CENPS: variants seen among roughly 807,000 people sequenced by gnomAD.
CENPS encodes centromere protein S, also known as FANCM associated histone fold protein 1.
In CENPS, 16 loss-of-function variants were observed where a neutral mutation model predicts 17.9. The ratio of observed to expected loss-of-function variants is 0.90; its 90% CI spans 0.61 to 1.36. The LOEUF (loss-of-function observed/expected upper bound fraction) is 1.36. Among genes scored for constraint, CENPS ranks in the 40% most tolerant of loss-of-function variants. CENPS has a pLI of 0.00. For missense variants in CENPS, 160 were observed against 158.6 expected (o/e 1.01, Z -0.05); for synonymous variants, 49 against 55.8 (o/e 0.88, Z 0.54).
intron 1 of CENPS, chr1:10,431,446 A>G: frequency 6.5e-7 from 1 of 1,531,870 alleles, no homozygotes; most frequent in East Asian, 2.4e-5. Context: ...ACCACTAGTT[A>G]GCATTTTGCT....
intron 1 of CENPS, chr1:10,431,487 C>A (rs553866004): frequency 2.8e-5 from 39 of 1,412,810 alleles, no homozygotes; most frequent in Non-Finnish European, 3.7e-5. Context: ...CTCCCAGCCC[C>A]GCGATTGGAG....
In CENPS at chr1:10,433,827, G is replaced by C; in HGVS notation, c.52-15G>C. The C allele has an allele frequency of 6.2e-7, 1 of 1,613,908 alleles. No individual in the cohort carries two copies. Among genetic ancestry groups the C allele is most frequent in the Non-Finnish European group, 8.5e-7 (1 of 1,179,916 alleles). ...TGCAGCCTTACCCGTGAAATATTTTGATGTTTTTCCCCAGAGGCTAAAGGC... is the reference window on the plus strand; with the variant it reads ...TGCAGCCTTACCCGTGAAATATTTTCATGTTTTTCCCCAGAGGCTAAAGGC... On this transcript the variant is annotated splice_polypyrimidine_tract_variant and intron_variant, in intron 1 of 4. Transcript: ENST00000309048.
At chr1:10,435,053 C>T (rs2847336) in intron 3 of CENPS, among the ~76,000 whole-genome samples, 18,389 of 152,060 alleles carry the variant, frequency 0.12, 1,395 homozygotes, top group African/African-American at 0.2. Flanking sequence ...TGGGGGTGGC[C>T]GCCCCTCTGC....
At chr1:10,431,236 A>AT (rs1162189561) in intron 1 of CENPS, 1 of 1,532,466 alleles carries the variant, frequency 6.5e-7, no homozygotes, top group Non-Finnish European at 8.7e-7. Context: ...AAGAGGCTTA[A>AT]AAGCAAGACC....
At chr1:10,436,472 C>T (rs1358023877) in intron 3 of CENPS, among the ~76,000 whole-genome samples, 8 of 149,910 alleles carry the variant, frequency 5.3e-5, no homozygotes, top group African/African-American at 1.5e-4. Context: ...GAGGCTGAGG[C>T]GGGTGGATCA....
Position 10,430,481 on chromosome 1 carries a change from CG to C in CENPS, c.-35del. On this transcript the variant is annotated 5_prime_UTR_variant, in exon 1 of 5. Transcript: ENST00000309048. ...CTGGCCGCGCACCACCGCCCCTTCT[CG>C]GCCCTCCTGCGTTTGCCCAGGGTCG... 4.6e-6 allele frequency: 7 copies of C among 1,532,800 alleles called. No homozygotes were observed. Among genetic ancestry groups the C allele is most frequent in the Non-Finnish European group, 6.1e-6 (7 of 1,140,464 alleles). 94.9% of individuals were successfully genotyped at this position (1,532,800 alleles called of 1,614,324 possible).
At chr1:10,435,050 G>C (rs1484936395) in intron 3 of CENPS, among the ~76,000 whole-genome samples, 1 of 152,168 alleles carries the variant, frequency 6.6e-6, no homozygotes, top group Admixed American at 6.5e-5. Flanking sequence ...GCCTGGGGGT[G>C]GCCGCCCCTC....
intron 1 of CENPS, among the ~76,000 whole-genome samples, chr1:10,432,301 T>G (rs1215219167): frequency 6.6e-6 from 1 of 152,090 alleles, no homozygotes; most frequent in Non-Finnish European, 1.5e-5. Context: ...GCCAGGCTGG[T>G]TTTGAACTCC....
intron 4 of CENPS, among the ~76,000 whole-genome samples, chr1:10,441,748 C>A (rs978816368): frequency 6.6e-6 from 1 of 151,416 alleles, no homozygotes; most frequent in Non-Finnish European, 1.5e-5. Context: ...GCCTCAGCCT[C>A]CCGAGTAGCT....
chr1:10,436,732 GAAA>G (rs111588673), intron 3 of CENPS, among the ~76,000 whole-genome samples: 1 of 140,752 alleles, frequency 7.1e-6, no homozygotes, highest in Non-Finnish European at 1.5e-5. Context: ...GAAAAGAAAA[GAAA>G]AAAAAAAGTT....
At chr1:10,435,372 C>A (rs531375542) in intron 3 of CENPS, among the ~76,000 whole-genome samples, 33 of 152,130 alleles carry the variant, frequency 2.2e-4, no homozygotes, top group Admixed American at 1.2e-3. Flanking sequence ...CTCTCCCACA[C>A]CCCTTACTTT....
At chr1:10,431,226 A>C in intron 1 of CENPS, 1 of 1,528,232 alleles carries the variant, frequency 6.5e-7, no homozygotes, top group Non-Finnish European at 8.7e-7. Flanking sequence ...CGTTGCCGTG[A>C]AGAGGCTTAA....
chr1:10,436,728 AAAAG>A (rs144760387), intron 3 of CENPS, among the ~76,000 whole-genome samples: 5 of 103,586 alleles, frequency 4.8e-5, no homozygotes, highest in Non-Finnish European at 7.9e-5. Context: ...AAAAGAAAAG[AAAAG>A]AAAAAAAAAA....
At position 10,434,703 on chromosome 1, in the gene CENPS, C is replaced by T; in HGVS notation, c.209+13C>T. 1 of 1,600,402 alleles carries T rather than the reference C, an allele frequency of 6.2e-7. No individual in the cohort carries two copies. The highest frequency in any genetic ancestry group is 8.5e-7 in the Non-Finnish European group (1 of 1,175,960). On this transcript the variant is annotated intron_variant, in intron 3 of 4. Coordinates refer to ENST00000309048, the MANE Select transcript of CENPS (RefSeq NM_199294.3). ...AAATGTTTGCAAGGTGGGTAGAGAA[C>T]TTGATTATCCGACACTGCGTCTGTG...
intron 1 of CENPS, 75 bp downstream of exon 1, chr1:10,430,643 C>T (rs1472326308): frequency 2.7e-6 from 4 of 1,478,036 alleles, no homozygotes; most frequent in African/African-American, 1.5e-5. Flanking sequence ...TACCCGGCAG[C>T]CCCCGGCGGC....
intron 3 of CENPS, among the ~76,000 whole-genome samples, chr1:10,438,565 C>T (rs1391272568): frequency 2.0e-5 from 3 of 152,156 alleles, no homozygotes; most frequent in Non-Finnish European, 4.4e-5. Flanking sequence ...TTTTGGGAAT[C>T]GTCTTTAAAG....
intron 1 of CENPS, 49 bp from the exon 2 acceptor site, chr1:10,433,793 G>T (rs1348745289): frequency 1.9e-6 from 3 of 1,610,958 alleles, no homozygotes; most frequent in Admixed American, 1.7e-5. Flanking sequence ...GGCGTGAAAA[G>T]CTCTTATTTG....
chr1:10,441,475 C>T (rs889820140), intron 4 of CENPS, among the ~76,000 whole-genome samples: 2 of 151,212 alleles, frequency 1.3e-5, no homozygotes, highest in South Asian at 2.1e-4. Flanking sequence ...CCACCACACC[C>T]GGCTATTTTT....
chr1:10,436,336 G>A (rs1317837100), intron 3 of CENPS, among the ~76,000 whole-genome samples: 1 of 151,238 alleles, frequency 6.6e-6, no homozygotes, highest in South Asian at 2.1e-4. Flanking sequence ...GCGTGCATGT[G>A]AGTGTGTGTG....
Sources: allele counts gnomAD v4.1 joint callset (sites outside exome capture counted in the v4.1 genomes callset), GRCh38; gene constraint gnomAD v4.1.1; transcripts MANE v1.5; gene names NCBI Gene and HGNC (gene_info 2026-07-23, HGNC 2026-07-21).